Variants in KANK1 observed in about 807,000 individuals in gnomAD.
KANK1 encodes the protein KN motif and ankyrin repeat domains 1.
KANK1 carries 109 observed loss-of-function variants against 106.2 expected under a neutral mutation model. The observed-to-expected ratio is 1.03, with a 90% CI of 0.88 to 1.20. The LOEUF (loss-of-function observed/expected upper bound fraction) is 1.20. Among genes scored for constraint, KANK1 ranks in the 50% most tolerant of loss-of-function variants. The pLI is 0.00. For synonymous variants in KANK1, 873 were observed against 652.2 expected, an observed-to-expected ratio of 1.34 and a Z score of -5.16; for missense variants, 2,399 against 1,710.7, an observed-to-expected ratio of 1.40 and a Z score of -7.10.
chr9:695,495 C>T (rs904005368), intron 2 of KANK1, among the ~76,000 whole-genome samples: 3 of 152,182 alleles, frequency 2.0e-5, no homozygotes, highest in African/African-American at 2.4e-5. Context: ...CAGCTCCCTG[C>T]TGGCATCTCC....
intron 1 of KANK1, among the ~76,000 whole-genome samples, chr9:606,111 C>G (rs1220079964): frequency 6.7e-6 from 1 of 149,570 alleles, no homozygotes; most frequent in Admixed American, 6.7e-5. Context: ...GAACTTTCCC[C>G]CAGTATATAG....
chr9:735,996 A>G (rs974057902), intron 7 of KANK1, among the ~76,000 whole-genome samples: 2 of 152,084 alleles, frequency 1.3e-5, no homozygotes, highest in Non-Finnish European at 2.9e-5. Flanking sequence ...CTCCATCTGA[A>G]AAAAAGCCTG....
chr9:622,741 A>C (rs1261745226), intron 1 of KANK1, among the ~76,000 whole-genome samples: 2 of 152,026 alleles, frequency 1.3e-5, no homozygotes, highest in Non-Finnish European at 2.9e-5. Context: ...ATCTTTACTA[A>C]AAATACAAAA....
Position 744,532 on chromosome 9 carries a change from C to G in KANK1, c.3939C>G (p.His1313Gln), listed in dbSNP as rs778096244. ...TALSIALEAG[H>Q]KDIAVLLYAH... Reference sequence around the variant, plus strand: ...TCTCAATCGCCCTGGAAGCAGGACACAAGGACATCGCTGTTCTTCTGTATG... The same window carrying G: ...TCTCAATCGCCCTGGAAGCAGGACAGAAGGACATCGCTGTTCTTCTGTATG... Residue 1313 changes from histidine to glutamine, a missense_variant, in exon 11 of 12, where the codon CAC becomes CAG. By Grantham distance (24) the His-to-Gln change is conservative. Transcript: ENST00000382297. The G allele has an allele frequency of 7.4e-6, 12 of 1,614,172 alleles. No homozygotes were observed. Among genetic ancestry groups the G allele is most frequent in the South Asian group, 1.1e-5 (1 of 91,074 alleles).
intron 1 of KANK1, among the ~76,000 whole-genome samples, chr9:603,958 CAA>C (rs71314719): frequency 1.2e-4 from 11 of 94,504 alleles, no homozygotes; most frequent in East Asian, 4.2e-4. Context: ...GACTCTGTCT[CAA>C]AAAAAAAAAA....
In KANK1 at chr9:732,609, C is replaced by G. The variant is rs372628779; in HGVS notation, c.3237C>G (p.Ile1079Met). 4 of 1,613,920 alleles carry G rather than the reference C, an allele frequency of 2.5e-6. No individual in the cohort carries two copies. The South Asian group carries it at 4.4e-5, about 18-fold the overall frequency. ...VQECEPEKVE[I>M]RERYELSEKM... ...AATGTGAACCTGAGAAGGTGGAAAT[C>G]AGAGAGAGGTGTGGTACATTCCCCT... The change falls in exon 6 of 12, where the codon ATC (isoleucine) becomes ATG (methionine). Residue 1079 changes from isoleucine (I) to methionine (M), a missense_variant. Physicochemically the swap from Ile to Met is conservative, Grantham distance 10. Transcript: ENST00000382297.
In KANK1 at chr9:650,967, A is replaced by C. The variant is rs577409620; in HGVS notation, c.-83-25923A>C. 5.3e-4 allele frequency among the ~76,000 whole-genome samples: 81 copies of C among 152,252 alleles called. 2 individuals are homozygous for C. In the South Asian group the frequency reaches 0.013, roughly 25 times the overall value. On this transcript the variant is annotated intron_variant, in intron 1 of 11. Transcript: ENST00000382297. The stretch of plus-strand genomic sequence containing the variant: ...CCTCCTGCTTCTGTCAAAGGAAAAA[A>C]AGATGTTATGTGCCTTCTCTTTCCA...
chr9:732,340 C>T (rs757251527), intron 5 of KANK1, 38 bp from the exon 6 acceptor site: 3 of 1,584,892 alleles, frequency 1.9e-6, no homozygotes, highest in African/African-American at 2.7e-5. Flanking sequence ...TCTTCGTGAG[C>T]ACACCTTGCA....
chr9:713,465 G>A lies in KANK1; in HGVS notation c.2698+1G>A. 1.9e-6 allele frequency: 3 copies of A among 1,578,644 alleles called. No homozygotes were observed. Among genetic ancestry groups the A allele is most frequent in the Non-Finnish European group, 2.6e-6 (3 of 1,164,410 alleles). On this transcript the variant is annotated splice_donor_variant, in intron 3 of 11. Transcript: ENST00000382297. LOFTEE classifies it high-confidence loss of function. ...AAAACCAGTCTGGGTAAAATCACAGGTAGGTGGTACCCTGAGGACCTGGGA... is the reference window on the plus strand; with the variant it reads ...AAAACCAGTCTGGGTAAAATCACAGATAGGTGGTACCCTGAGGACCTGGGA...
chr9:664,013 A>G (rs1462499497), intron 1 of KANK1, among the ~76,000 whole-genome samples: 1 of 152,078 alleles, frequency 6.6e-6, no homozygotes, highest in Non-Finnish European at 1.5e-5. Flanking sequence ...TGTAGTTCCC[A>G]TAATCTCGTG....
At chr9:497,479 A>C (rs10119849) in intron 3 of KANK1, among the ~76,000 whole-genome samples, 5,969 of 152,070 alleles carry the variant, frequency 0.039, 382 homozygotes, top group African/African-American at 0.14. Context: ...CATGACTTCC[A>C]TTTAATGTTC....
At chr9:625,047 C>T (rs1834022823) in intron 1 of KANK1, among the ~76,000 whole-genome samples, 1 of 151,864 alleles carries the variant, frequency 6.6e-6, no homozygotes, top group South Asian at 2.1e-4. Context: ...GTGCCTTGTT[C>T]GATGCCCTGG....
At chr9:564,220 C>T (rs1428795930) in intron 1 of KANK1, among the ~76,000 whole-genome samples, 4 of 151,970 alleles carry the variant, frequency 2.6e-5, no homozygotes, top group African/African-American at 9.7e-5. Flanking sequence ...CCACCACGCC[C>T]GGCTAATTTT....
intron 7 of KANK1, among the ~76,000 whole-genome samples, chr9:735,936 A>C (rs552224873): frequency 6.6e-6 from 1 of 152,268 alleles, no homozygotes; most frequent in Admixed American, 6.5e-5. Flanking sequence ...TGGTGGTTGC[A>C]GTGAGCCAAG....
rs79769262 is a variant in KANK1 at position 509,173 on chromosome 9, C to G, written c.-84+4419C>G. Among the ~76,000 whole-genome samples, 82 of 152,310 alleles carry G rather than the reference C, an allele frequency of 5.4e-4. 1 individual carries two copies. The East Asian group carries it at 0.015, about 28-fold the overall frequency. On this transcript the variant is annotated intron_variant, in intron 1 of 11. Transcript: ENST00000382297. ...AGTGCAGTGGCGCGATCTTGACTCA[C>G]TGGAACCTCTGCCTCCTGAGTTCAA...
chr9:504,304 A>C (rs1028786591), upstream of KANK1, among the ~76,000 whole-genome samples: 2 of 151,388 alleles, frequency 1.3e-5, no homozygotes, highest in African/African-American at 4.8e-5. Context: ...ACCGCGGTGG[A>C]GGAAGTTCTT....
chr9:690,048 G>GA (rs1819493549), intron 2 of KANK1, among the ~76,000 whole-genome samples: 7 of 150,660 alleles, frequency 4.6e-5, no homozygotes, highest in Non-Finnish European at 1.0e-4. Context: ...AGCACTTTGG[G>GA]AGGCTGAGGT....
intron 1 of KANK1, among the ~76,000 whole-genome samples, chr9:675,011 T>C (rs943827860): frequency 1.1e-5 from 1 of 94,446 alleles, no homozygotes; most frequent in African/African-American, 6.2e-5. Flanking sequence ...GGCCTAAATA[T>C]TTATTTTTAA....
chr9:616,214 C>T (rs1381083608), intron 1 of KANK1, among the ~76,000 whole-genome samples: 4 of 152,094 alleles, frequency 2.6e-5, no homozygotes, highest in East Asian at 1.9e-4. Flanking sequence ...AAATTTTATC[C>T]GGTCCTACCT....
Sources: gnomAD v4.1 joint callset for allele counts (sites outside exome capture counted in the v4.1 genomes callset) on GRCh38, gnomAD v4.1.1 for gene constraint, MANE v1.5 for transcripts, NCBI Gene and HGNC (gene_info 2026-07-23, HGNC 2026-07-21) for gene names.